The following PACRG variants were observed in gnomAD, a reference collection of about 807,000 sequenced individuals.
PACRG encodes the protein parkin coregulated.
A neutral mutation model predicts 29.7 loss-of-function variants in PACRG; 29 were observed. The observed-to-expected ratio is 0.98, with a 90% CI of 0.73 to 1.33. The LOEUF is 1.33. PACRG is among the 40% of genes most tolerant of loss of function. The pLI, the probability that PACRG is intolerant of heterozygous loss-of-function variation, is 0.00. For missense variants in PACRG, 279 were observed against 316.2 expected (o/e 0.88, Z 0.89); for synonymous variants, 116 against 118.7 (o/e 0.98, Z 0.15).
intron 2 of PACRG, among the ~76,000 whole-genome samples, chr6:162,944,311 T>G (rs1385538878): frequency 1.3e-5 from 2 of 152,146 alleles, no homozygotes; most frequent in Non-Finnish European, 2.9e-5. Context: ...TAGGTACATC[T>G]TGAGGAAAAA....
At chr6:162,868,392 G>A (rs1413931373) in intron 2 of PACRG, among the ~76,000 whole-genome samples, 1 of 152,232 alleles carries the variant, frequency 6.6e-6, no homozygotes, top group Non-Finnish European at 1.5e-5. Context: ...CTTTTAGATT[G>A]TCGTGAGGAA....
chr6:162,967,689 TG>T (rs1801164271), intron 2 of PACRG, among the ~76,000 whole-genome samples: 1 of 151,958 alleles, frequency 6.6e-6, no homozygotes, highest in Admixed American at 6.6e-5. Context: ...TTGTATTTTT[TG>T]TAGAGACGGG....
At chr6:163,272,505 C>T (rs1172110791) in intron 4 of PACRG, among the ~76,000 whole-genome samples, 2 of 152,086 alleles carry the variant, frequency 1.3e-5, no homozygotes, top group Admixed American at 1.3e-4. Flanking sequence ...CTTGTAATAG[C>T]ATTGACTATT....
At chr6:162,870,444 G>A (rs1194199878) in intron 2 of PACRG, among the ~76,000 whole-genome samples, 1 of 152,208 alleles carries the variant, frequency 6.6e-6, no homozygotes, top group South Asian at 2.1e-4. Flanking sequence ...TATTTCCATA[G>A]GTTTTTGGGG....
At chr6:162,902,970 A>G (rs1176130616) in intron 2 of PACRG, among the ~76,000 whole-genome samples, 1 of 152,242 alleles carries the variant, frequency 6.6e-6, no homozygotes, top group Non-Finnish European at 1.5e-5. Flanking sequence ...TTTCTGCTAT[A>G]ATAATATACC....
chr6:163,027,362 A>C (rs1807229895), intron 2 of PACRG, among the ~76,000 whole-genome samples: 1 of 152,160 alleles, frequency 6.6e-6, no homozygotes, highest in Non-Finnish European at 1.5e-5. Context: ...TACACTGAAA[A>C]TTATGCTATA....
Position 162,952,659 on chromosome 6 carries a change from TA to T in PACRG, c.292-109488del, listed in dbSNP as rs1799739416. Among the ~76,000 whole-genome samples, 7 of 152,286 alleles carry T rather than the reference TA, an allele frequency of 4.6e-5. No homozygotes were observed. The South Asian group carries it at 1.5e-3, about 32-fold the overall frequency. On this transcript the variant is annotated intron_variant, in intron 2 of 4. Coordinates refer to ENST00000366888, the MANE Select transcript of PACRG (RefSeq NM_001080379.2). The stretch of plus-strand genomic sequence containing the variant: ...CCCAGAATTGAACTAACAACCACAC[TA>T]AATTGTATCACATCTTTAAAGGAGA...
At chr6:162,803,014 C>G (rs1786008389) in intron 1 of PACRG, among the ~76,000 whole-genome samples, 1 of 152,142 alleles carries the variant, frequency 6.6e-6, no homozygotes, top group Non-Finnish European at 1.5e-5. Context: ...CACAGCCAAA[C>G]ATAACCAACA....
intron 4 of PACRG, among the ~76,000 whole-genome samples, chr6:163,149,289 A>G (rs1777971325): frequency 1.3e-5 from 2 of 151,726 alleles, no homozygotes; most frequent in Non-Finnish European, 2.9e-5. Context: ...GGCCCTCCCC[A>G]GGCCTCTCTC....
intron 4 of PACRG, among the ~76,000 whole-genome samples, chr6:163,294,748 T>C (rs1784729805): frequency 6.6e-6 from 1 of 152,220 alleles, no homozygotes; most frequent in Admixed American, 6.5e-5. Context: ...ATTAGCTAGA[T>C]AATAATAGAG....
chr6:163,172,750 C>G (rs1397678979), intron 4 of PACRG, among the ~76,000 whole-genome samples: 1 of 152,188 alleles, frequency 6.6e-6, no homozygotes, highest in Admixed American at 6.5e-5. Context: ...TTACGAATCT[C>G]TAAAACAGAG....
intron 4 of PACRG, among the ~76,000 whole-genome samples, chr6:163,296,003 G>A (rs550675936): frequency 3.9e-5 from 6 of 152,200 alleles, no homozygotes; most frequent in Non-Finnish European, 7.4e-5. Flanking sequence ...TAAACCCCAC[G>A]CAGTTCTAAG....
intron 4 of PACRG, among the ~76,000 whole-genome samples, chr6:163,246,591 G>A (rs1049867934): frequency 1.3e-5 from 2 of 152,170 alleles, no homozygotes; most frequent in Non-Finnish European, 2.9e-5. Context: ...GTGAGAACAG[G>A]GGCTCTGTCT....
At chr6:162,856,204 G>A (rs1303311096) in intron 2 of PACRG, among the ~76,000 whole-genome samples, 1 of 152,030 alleles carries the variant, frequency 6.6e-6, no homozygotes, top group African/African-American at 2.4e-5. Flanking sequence ...GACTACAGTA[G>A]TGTGCCACCA....
chr6:163,269,785 A>ACAGACAGGAAGGAAGG (rs1562349142), intron 4 of PACRG, among the ~76,000 whole-genome samples: 1 of 93,798 alleles, frequency 1.1e-5, no homozygotes, highest in Non-Finnish European at 2.3e-5. Context: ...AGACAGACAG[A>ACAGACAGGAAGGAAGG]AAGAAAGAAA....
intron 1 of PACRG, among the ~76,000 whole-genome samples, chr6:162,766,866 A>T (rs979014287): frequency 1.3e-5 from 2 of 152,114 alleles, no homozygotes; most frequent in Non-Finnish European, 2.9e-5. Context: ...AAAAGGCTAT[A>T]AATTTCCTTC....
chr6:163,138,992 G>A (rs1817047092), intron 4 of PACRG, among the ~76,000 whole-genome samples: 1 of 152,186 alleles, frequency 6.6e-6, no homozygotes, highest in Non-Finnish European at 1.5e-5. Flanking sequence ...GCCATATCCT[G>A]ACTCCATCCT....
intron 1 of PACRG, among the ~76,000 whole-genome samples, chr6:162,785,109 T>A (rs533394985): frequency 6.6e-6 from 1 of 151,990 alleles, no homozygotes; most frequent in African/African-American, 2.4e-5. Context: ...CTAATTTTTT[T>A]TCAGTTAGCT....
intron 3 of PACRG, among the ~76,000 whole-genome samples, chr6:163,080,985 C>T (rs868238924): frequency 3.3e-5 from 5 of 152,146 alleles, no homozygotes; most frequent in Admixed American, 1.3e-4. Flanking sequence ...TGATCTAAAT[C>T]GATCATACTT....
Sources: gnomAD v4.1 joint callset for allele counts (sites outside exome capture counted in the v4.1 genomes callset) on GRCh38, gnomAD v4.1.1 for gene constraint, MANE v1.5 for transcripts, NCBI Gene and HGNC (gene_info 2026-07-23, HGNC 2026-07-21) for gene names.